Variants in NAV3 observed in about 807,000 individuals in gnomAD.
NAV3 encodes neuron navigator 3.
A neutral mutation model predicts 244.7 loss-of-function variants in NAV3; 87 were observed. The observed-to-expected ratio is 0.36, with a 90% CI of 0.30 to 0.42. The LOEUF (loss-of-function observed/expected upper bound fraction) is 0.42, where lower values mean the gene tolerates loss of function less well. Ranked by LOEUF, NAV3 falls within the 20% of genes least tolerant of loss-of-function variation. The pLI is 1.00. For synonymous variants in NAV3, 1,126 were observed against 1,042.2 expected (o/e 1.08, Z -1.55); for missense variants, 2,663 against 2,893.3 (o/e 0.92, Z 1.83).
intron 2 of NAV3, among the ~76,000 whole-genome samples, chr12:77,764,183 C>A (rs1370793073): frequency 6.6e-6 from 1 of 152,184 alleles, no homozygotes; most frequent in Non-Finnish European, 1.5e-5. Context: ...ATATGTGTTA[C>A]CATCTGTGCA....
intron 2 of NAV3, among the ~76,000 whole-genome samples, chr12:77,657,141 C>A (rs1873152337): frequency 1.3e-5 from 2 of 152,078 alleles, no homozygotes; most frequent in African/African-American, 2.4e-5. Flanking sequence ...ACACAAAAAA[C>A]CCTTCACAAA....
intron 5 of NAV3, among the ~76,000 whole-genome samples, chr12:77,985,644 C>T (rs1870376628): frequency 6.6e-6 from 1 of 152,028 alleles, no homozygotes; most frequent in African/African-American, 2.4e-5. Context: ...TGTTCAACCT[C>T]ATTTTCCCAC....
At chr12:77,895,503 T>C (rs1048796676) in intron 1 of NAV3, among the ~76,000 whole-genome samples, 5 of 152,110 alleles carry the variant, frequency 3.3e-5, no homozygotes, top group Non-Finnish European at 7.4e-5. Flanking sequence ...AAATAAAAGC[T>C]AAGTGTGATG....
chr12:78,160,724 A>G (rs192302840), intron 23 of NAV3, among the ~76,000 whole-genome samples: 1 of 152,204 alleles, frequency 6.6e-6, no homozygotes, highest in Admixed American at 6.6e-5. Context: ...TTATTAGCAC[A>G]TTGTATTCTC....
chr12:78,099,754 A>T (rs1394238553), intron 12 of NAV3, among the ~76,000 whole-genome samples: 2 of 151,928 alleles, frequency 1.3e-5, no homozygotes. Flanking sequence ...TAAACAAAAG[A>T]ATTTGTAATA....
In NAV3 at chr12:78,119,250, T is replaced by G. The variant is rs1022968885; in HGVS notation, c.3054T>G (p.Asp1018Glu). 7 of 1,612,170 alleles carry G rather than the reference T, an allele frequency of 4.3e-6. No individual in the cohort carries two copies. The African/African-American group carries it at 9.4e-5, about 22-fold the overall frequency. ...CTCCTTAATTAGGGAAAACCGATGA[T>G]GCCAAAGCTTCTGAGAAAGGAAAAG... is the stretch of plus-strand genomic sequence containing the variant. ...SALKTPGKTDDAKASEKGKAP... is the reference protein window; with the variant it reads ...SALKTPGKTDEAKASEKGKAP... The change falls in exon 15 of 40, where the codon GAT becomes GAG. Residue 1018 changes from aspartate to glutamate, a missense_variant. Physicochemically the swap from Asp to Glu is conservative, Grantham distance 45. Around this residue, in one of 6 missense-constraint regions of NAV3, gnomAD observed 1,521 missense variants for 1,497.0 expected, o/e 1.02. Coordinates refer to ENST00000397909, the MANE Select transcript of NAV3 (RefSeq NM_001024383.2).
At chr12:78,007,865 G>A (rs1032637691) in intron 8 of NAV3, among the ~76,000 whole-genome samples, 2 of 152,122 alleles carry the variant, frequency 1.3e-5, no homozygotes, top group African/African-American at 4.8e-5. Flanking sequence ...ATACCATAAT[G>A]GTTAAAGAGG....
chr12:78,171,116 T>G (rs954099652), intron 24 of NAV3, among the ~76,000 whole-genome samples: 1 of 151,768 alleles, frequency 6.6e-6, no homozygotes, highest in Non-Finnish European at 1.5e-5. Context: ...TAAAGTGAGA[T>G]ATGCTTAAAT....
At chr12:78,179,986 C>G (rs1244235794) in intron 29 of NAV3, among the ~76,000 whole-genome samples, 2 of 152,110 alleles carry the variant, frequency 1.3e-5, no homozygotes, top group African/African-American at 4.8e-5. Context: ...TGCTTCTTCA[C>G]TTTTCCATCA....
intron 2 of NAV3, among the ~76,000 whole-genome samples, chr12:77,605,799 A>G (rs1178258602): frequency 6.6e-6 from 1 of 151,880 alleles, no homozygotes; most frequent in Non-Finnish European, 1.5e-5. Flanking sequence ...AGATTGGGGC[A>G]TTGCACTCCA....
intron 2 of NAV3, among the ~76,000 whole-genome samples, chr12:77,584,331 C>A (rs1012266840): frequency 6.6e-6 from 1 of 151,746 alleles, no homozygotes; most frequent in Non-Finnish European, 1.5e-5. Context: ...GAGGACTTAA[C>A]AAATTGGGTT....
intron 3 of NAV3, among the ~76,000 whole-genome samples, chr12:77,952,033 G>T (rs145486766): frequency 6.7e-6 from 1 of 149,376 alleles, no homozygotes; most frequent in Admixed American, 6.7e-5. Flanking sequence ...AAACCTGCAC[G>T]TTGTGCACAG....
At chr12:77,706,706 T>C (rs1875819480) in intron 2 of NAV3, among the ~76,000 whole-genome samples, 1 of 149,504 alleles carries the variant, frequency 6.7e-6, no homozygotes, top group Non-Finnish European at 1.5e-5. Context: ...CCGTCTCTAA[T>C]AAAAATACAA....
At chr12:77,755,516 T>TTGCCTTG (rs1565800228) in intron 2 of NAV3, among the ~76,000 whole-genome samples, 1 of 21,018 alleles carries the variant, frequency 4.8e-5, no homozygotes, top group Non-Finnish European at 9.5e-5. Flanking sequence ...CCTGTGCCTT[T>TTGCCTTG]CCTTTCCTTT....
intron 1 of NAV3, among the ~76,000 whole-genome samples, chr12:77,901,323 C>T (rs568533057): frequency 1.3e-5 from 2 of 152,192 alleles, no homozygotes; most frequent in Non-Finnish European, 1.5e-5. Context: ...AACTGTATTT[C>T]CTAAATTTTC....
rs142791258 is a variant in NAV3 at position 77,931,939 on chromosome 12, A to G, written c.244-8380A>G. Among the ~76,000 whole-genome samples the G allele has an allele frequency of 6.5e-4, 99 of 152,098 alleles. No individual in the cohort carries two copies. In the East Asian group the frequency reaches 8.6e-3, roughly 13 times the overall value. On this transcript the variant is annotated intron_variant, in intron 1 of 39. Transcript: ENST00000397909. Reference sequence around the variant, plus strand: ...GTGTGTGTGTGTGTGTGTGATGCACATAGTTGTTAATGTCTTTTGTGATTC... The same window carrying G: ...GTGTGTGTGTGTGTGTGTGATGCACGTAGTTGTTAATGTCTTTTGTGATTC...
At chr12:78,172,656 C>T (rs148301344) in intron 24 of NAV3, among the ~76,000 whole-genome samples, 11 of 151,630 alleles carry the variant, frequency 7.3e-5, no homozygotes, top group African/African-American at 2.4e-4. Flanking sequence ...TTGTCAATCA[C>T]TTTATAAGTA....
intron 2 of NAV3, among the ~76,000 whole-genome samples, chr12:77,738,494 A>G (rs940723535): frequency 6.6e-6 from 1 of 152,148 alleles, no homozygotes; most frequent in Non-Finnish European, 1.5e-5. Context: ...AGTTTAATTC[A>G]TTTTTCTAAA....
chr12:77,948,690 C>G lies in NAV3; in HGVS notation c.414+7557C>G, dbSNP rs1023428068. ...CCTTCTTTTTCAATTGCCCCCCCACCACTGCCAAACTTAATAAAATTATCA... is the reference window on the plus strand; with the variant it reads ...CCTTCTTTTTCAATTGCCCCCCCACGACTGCCAAACTTAATAAAATTATCA... On this transcript the variant is annotated intron_variant, in intron 3 of 39. Coordinates refer to ENST00000397909, the MANE Select transcript of NAV3 (RefSeq NM_001024383.2). Among the ~76,000 whole-genome samples the G allele has an allele frequency of 2.5e-4, 35 of 140,586 alleles. No individual in the cohort carries two copies. In the Admixed American group the frequency reaches 2.5e-3, roughly 10 times the overall value. The allele number at this position is 140,586 out of a possible 152,430, so 92.2% of individuals were successfully genotyped here.
Sources: gnomAD v4.1 joint callset for allele counts (sites outside exome capture counted in the v4.1 genomes callset) on GRCh38, gnomAD v4.1.1 for gene constraint, gnomAD v4.1.1 regional missense constraint, MANE v1.5 for transcripts, NCBI Gene and HGNC (gene_info 2026-07-23, HGNC 2026-07-21) for gene names.